The following TFDP2 variants were observed in gnomAD, a reference collection of about 807,000 sequenced individuals.
TFDP2 encodes transcription factor Dp-2, also known as transcription factor Dp-2 (E2F dimerization partner 2).
A neutral mutation model predicts 59.3 loss-of-function variants in TFDP2; 17 were observed. The observed-to-expected ratio is 0.29, with a 90% CI of 0.20 to 0.43. TFDP2 has a LOEUF of 0.43. TFDP2 is among the 20% of genes least tolerant of loss of function. The pLI, the probability that TFDP2 is intolerant of heterozygous loss-of-function variation, is 1.00. For synonymous variants in TFDP2, 180 were observed against 194.7 expected, an observed-to-expected ratio of 0.92 and a Z score of 0.63; for missense variants, 391 against 528.8, an observed-to-expected ratio of 0.74 and a Z score of 2.56.
chr3:142,043,702 T>G, intron 3 of TFDP2: 1 of 1,122,750 alleles, frequency 8.9e-7, no homozygotes, highest in Non-Finnish European at 1.4e-6. Context: ...TTCACCGTGC[T>G]TGCGTGCTTC....
intron 6 of TFDP2, among the ~76,000 whole-genome samples, chr3:141,986,330 T>C (rs1237704767): frequency 1.3e-5 from 2 of 152,244 alleles, no homozygotes; most frequent in Non-Finnish European, 2.9e-5. Context: ...ACCAACTGTG[T>C]TAAGTGTCTC....
intron 3 of TFDP2, among the ~76,000 whole-genome samples, chr3:142,038,492 C>G (rs1946804072): frequency 1.3e-5 from 2 of 151,212 alleles, no homozygotes; most frequent in South Asian, 4.2e-4. Context: ...ACCAATTTCT[C>G]ATACCTTTGC....
At chr3:142,100,376 C>T (rs1201698382) in intron 2 of TFDP2, among the ~76,000 whole-genome samples, 9 of 146,238 alleles carry the variant, frequency 6.2e-5, no homozygotes, top group Admixed American at 6.1e-4. Flanking sequence ...TACCTCCTTC[C>T]CTTTTTTTTT....
At chr3:142,056,185 C>A (rs1291022471) in intron 3 of TFDP2, among the ~76,000 whole-genome samples, 1 of 151,440 alleles carries the variant, frequency 6.6e-6, no homozygotes, top group East Asian at 1.9e-4. Flanking sequence ...AACTCCTAAC[C>A]TCATGATCTG....
intron 3 of TFDP2, among the ~76,000 whole-genome samples, chr3:142,024,910 C>T (rs1199356662): frequency 6.6e-6 from 1 of 151,868 alleles, no homozygotes; most frequent in East Asian, 1.9e-4. Context: ...ATCTCAGCTA[C>T]TCGGGAGGCT....
intron 3 of TFDP2, among the ~76,000 whole-genome samples, chr3:142,058,239 A>G (rs2059804828): frequency 6.6e-6 from 1 of 150,540 alleles, no homozygotes; most frequent in Non-Finnish European, 1.5e-5. Flanking sequence ...TCATACACAT[A>G]AAATCTACAC....
At chr3:141,988,708 C>T (rs574700625) in intron 6 of TFDP2, among the ~76,000 whole-genome samples, 56 of 123,454 alleles carry the variant, frequency 4.5e-4, no homozygotes, top group African/African-American at 1.6e-3. Flanking sequence ...CTCACTCTGT[C>T]GTCAGGCTGG....
chr3:141,977,546 T>G (rs1416717832), intron 7 of TFDP2, among the ~76,000 whole-genome samples: 3 of 152,116 alleles, frequency 2.0e-5, no homozygotes, highest in Non-Finnish European at 4.4e-5. Flanking sequence ...GAGCCGAAAC[T>G]GCACCACTGT....
At chr3:141,972,722 G>A (rs189197691) in intron 8 of TFDP2, among the ~76,000 whole-genome samples, 7 of 152,018 alleles carry the variant, frequency 4.6e-5, no homozygotes, top group Non-Finnish European at 1.0e-4. Flanking sequence ...TCACATTTTC[G>A]GTAACTCTTT....
chr3:142,085,914 C>T (rs960158086), intron 3 of TFDP2, among the ~76,000 whole-genome samples: 1 of 152,184 alleles, frequency 6.6e-6, no homozygotes, highest in African/African-American at 2.4e-5. Flanking sequence ...ACTGTGATCC[C>T]AGCAATCTAC....
rs11290927 is a variant in TFDP2 at position 142,121,850 on chromosome 3, TAA to T, written c.-92-20011_-92-20010del. Among the ~76,000 whole-genome samples, 41 of 148,532 alleles carry T rather than the reference TAA, an allele frequency of 2.8e-4. No individual in the cohort carries two copies. The highest frequency in any genetic ancestry group is 2.7e-4 in the Non-Finnish European group (18 of 66,922). On this transcript the variant is annotated intron_variant, in intron 1 of 12. Coordinates refer to ENST00000489671, the MANE Select transcript of TFDP2 (RefSeq NM_001178139.2). This position sits in a 1 kb window ranked among gnomAD's most constrained non-coding sequence, Gnocchi z 4.3. ...CCTGTCTCTACTAAAAATACGAAGTTAAAAAAAAAAAAACTTCATTGTAGACA... is the reference window on the plus strand; with the variant it reads ...CCTGTCTCTACTAAAAATACGAAGTTAAAAAAAAAAACTTCATTGTAGACA...
chr3:142,030,185 G>C (rs1234532446), intron 3 of TFDP2, among the ~76,000 whole-genome samples: 1 of 152,112 alleles, frequency 6.6e-6, no homozygotes, highest in African/African-American at 2.4e-5. Flanking sequence ...ACAGAGATAT[G>C]ACAACAATAA....
chr3:142,144,584 CAGGCT>C, intron 1 of TFDP2, among the ~76,000 whole-genome samples: 1 of 152,094 alleles, frequency 6.6e-6, no homozygotes. Flanking sequence ...CTCTGTTGCC[CAGGCT>C]GGAGTGCAGT....
chr3:141,972,324 C>T (rs538955749), intron 8 of TFDP2, among the ~76,000 whole-genome samples: 3 of 152,280 alleles, frequency 2.0e-5, no homozygotes, highest in South Asian at 2.1e-4. Context: ...ATCTCTAATC[C>T]GCCTCCCCCA....
chr3:141,987,655 C>T lies in TFDP2; in HGVS notation c.356+5883G>A, dbSNP rs1327465919. On this transcript the variant is annotated intron_variant, in intron 6 of 12. Coordinates refer to ENST00000489671, the MANE Select transcript of TFDP2 (RefSeq NM_001178139.2). Reference sequence around the variant, plus strand: ...TAAAGACATTCTTCTCGGCCGGGTGCGGTGGTTCATGCCTGTAATCCCAGC... The same window carrying T: ...TAAAGACATTCTTCTCGGCCGGGTGTGGTGGTTCATGCCTGTAATCCCAGC... Among the ~76,000 whole-genome samples, 6 of 147,686 alleles carry T rather than the reference C, an allele frequency of 4.1e-5. No individual in the cohort carries two copies. The South Asian group carries it at 6.8e-4, about 17-fold the overall frequency.
At chr3:142,142,212 CAAGAA>C (rs1428766389) in intron 1 of TFDP2, among the ~76,000 whole-genome samples, 22 of 152,098 alleles carry the variant, frequency 1.4e-4, no homozygotes, top group Non-Finnish European at 5.9e-5. Flanking sequence ...AAAGACTCCA[CAAGAA>C]AAGTATTATT....
Position 141,968,423 on chromosome 3 carries a change from C to CATATATA in TFDP2, c.732+1649_732+1650insTATATAT, listed in dbSNP as rs1243209182. ...TATATCATATATATAACATATATATCTCATATATAGATATATATAACATAT... is the reference window on the plus strand; with the variant it reads ...TATATCATATATATAACATATATATCATATATATCATATATAGATATATATAACATAT... On this transcript the variant is annotated intron_variant, in intron 9 of 12. Transcript: ENST00000489671. 2.8e-3 allele frequency among the ~76,000 whole-genome samples: 248 copies of CATATATA among 87,936 alleles called. 27 individuals carry two copies. Among genetic ancestry groups the CATATATA allele is most frequent in the African/African-American group, 0.013 (235 of 17,912 alleles). 57.7% of individuals were successfully genotyped at this position (87,936 alleles called of 152,430 possible).
At chr3:142,114,663 T>C (rs890785443) in intron 1 of TFDP2, among the ~76,000 whole-genome samples, 1 of 152,068 alleles carries the variant, frequency 6.6e-6, no homozygotes, top group Admixed American at 6.5e-5. Flanking sequence ...TTTTTTCTTT[T>C]TTTCCTACCT....
At chr3:141,973,812 G>C (rs760104439) in intron 8 of TFDP2, among the ~76,000 whole-genome samples, 1 of 151,072 alleles carries the variant, frequency 6.6e-6, no homozygotes, top group East Asian at 1.9e-4. Flanking sequence ...CTAAGAAACA[G>C]TAAAATCAAA....
Sources: gnomAD v4.1 joint callset for allele counts (sites outside exome capture counted in the v4.1 genomes callset) on GRCh38, gnomAD v4.1.1 for gene constraint, Gnocchi (gnomAD v3.1) non-coding constraint, MANE v1.5 for transcripts, NCBI Gene and HGNC (gene_info 2026-07-23, HGNC 2026-07-21) for gene names.